Variants in SLC22A16 observed in about 807,000 individuals in gnomAD.
The protein encoded by SLC22A16 is solute carrier family 22 member 16, also known as WUGSC:RG331P03.1.
SLC22A16 carries 53 observed loss-of-function variants against 52.9 expected under a neutral mutation model. That is an observed-to-expected ratio of 1.00 (90% confidence interval 0.80 to 1.26). The LOEUF is 1.26. Ranked by LOEUF, SLC22A16 falls within the 50% of genes most tolerant of loss-of-function variation. The pLI, the probability that SLC22A16 is intolerant of heterozygous loss-of-function variation, is 0.00. For missense variants in SLC22A16, 726 were observed against 704.0 expected, an observed-to-expected ratio of 1.03 and a Z score of -0.35; for synonymous variants, 291 against 268.8, an observed-to-expected ratio of 1.08 and a Z score of -0.81.
At chr6:110,473,161 T>C (rs1311087276) in intron 1 of SLC22A16, among the ~76,000 whole-genome samples, 2 of 152,134 alleles carry the variant, frequency 1.3e-5, no homozygotes, top group East Asian at 3.9e-4. Flanking sequence ...AAATGATAGA[T>C]GTTATGATGT....
At chr6:110,456,148 T>C (rs1338665841) in intron 2 of SLC22A16, 1 of 177,538 alleles carries the variant, frequency 5.6e-6, no homozygotes, top group African/African-American at 2.4e-5. Flanking sequence ...GAGAAGAAAA[T>C]ATTCAAAGTA....
intron 1 of SLC22A16, among the ~76,000 whole-genome samples, chr6:110,473,626 G>A (rs535542785): frequency 1.4e-5 from 2 of 143,318 alleles, no homozygotes; most frequent in East Asian, 2.2e-4. Flanking sequence ...CTGGGTTCAC[G>A]CCATTCTCCT....
At chr6:110,455,587 A>G (rs1354715120) in intron 2 of SLC22A16, 1 of 152,218 alleles carries the variant, frequency 6.6e-6, no homozygotes, top group East Asian at 1.9e-4. Context: ...GGTATGGTCC[A>G]TGTTCATACA....
At chr6:110,474,303 G>T (rs886752939) in intron 1 of SLC22A16, among the ~76,000 whole-genome samples, 1 of 152,078 alleles carries the variant, frequency 6.6e-6, no homozygotes, top group South Asian at 2.1e-4. Context: ...GTGCTAAAAA[G>T]GTTGGGGACC....
intron 2 of SLC22A16, among the ~76,000 whole-genome samples, chr6:110,447,765 G>A (rs78035315): frequency 0.013 from 2,038 of 152,272 alleles, 36 homozygotes; most frequent in African/African-American, 0.047. Flanking sequence ...ACAATATGTG[G>A]CCTTTTGTGT....
chr6:110,453,705 A>G (rs934010722), intron 2 of SLC22A16: 2 of 456,224 alleles, frequency 4.4e-6, no homozygotes, highest in Non-Finnish European at 4.4e-6. Flanking sequence ...TCTTTGTGGC[A>G]GAGAGGGGAC....
chr6:110,425,511 G>T, intron 7 of SLC22A16: 2 of 735,408 alleles, frequency 2.7e-6, no homozygotes, highest in Non-Finnish European at 4.0e-6. Flanking sequence ...CCCTGTCCCT[G>T]CCCCAATAAT....
intron 3 of SLC22A16, among the ~76,000 whole-genome samples, chr6:110,446,002 C>T (rs1028079270): frequency 3.9e-5 from 6 of 152,146 alleles, no homozygotes; most frequent in Non-Finnish European, 8.8e-5. Context: ...GAAACCCTTT[C>T]TATCCATCAA....
chr6:110,452,042 G>A (rs918226842), intron 2 of SLC22A16, among the ~76,000 whole-genome samples: 1 of 152,150 alleles, frequency 6.6e-6, no homozygotes, highest in African/African-American at 2.4e-5. Context: ...AATATAAAAT[G>A]CCTATGTGTC....
At chr6:110,457,431 AC>A (rs1424834423) in intron 1 of SLC22A16, among the ~76,000 whole-genome samples, 1 of 152,234 alleles carries the variant, frequency 6.6e-6, no homozygotes, top group Non-Finnish European at 1.5e-5. Flanking sequence ...CCAAGTAGCA[AC>A]CTGAAAAAGT....
intron 2 of SLC22A16, among the ~76,000 whole-genome samples, chr6:110,454,773 AAT>A (rs1261348032): frequency 3.6e-5 from 2 of 56,250 alleles, no homozygotes; most frequent in Non-Finnish European, 5.7e-5. Flanking sequence ...TATATATATA[AAT>A]ATATATAAAT....
chr6:110,472,524 G>A (rs533029603), intron 1 of SLC22A16, among the ~76,000 whole-genome samples: 85 of 152,060 alleles, frequency 5.6e-4, no homozygotes, highest in African/African-American at 2.0e-3. Context: ...ACCACTAAGT[G>A]GCCCCCAATC....
intron 2 of SLC22A16, chr6:110,456,015 G>GT (rs1379409043): frequency 6.6e-6 from 1 of 152,530 alleles, no homozygotes; most frequent in African/African-American, 2.4e-5. Flanking sequence ...GAATTACCCA[G>GT]TCTGTGGTAT....
At position 110,431,289 on chromosome 6, in the gene SLC22A16, G is replaced by A; in HGVS notation, c.1422-19C>T. ...CAGCGATCTGGAAACAGAGGAGAGA[G>A]GCTGAGACAAGTAAGGCACAAGTGA... On this transcript the variant is annotated intron_variant, in intron 6 of 7. Transcript: ENST00000368919. 1 of 1,607,036 alleles carries A rather than the reference G, an allele frequency of 6.2e-7. No individual in the cohort carries two copies. Among genetic ancestry groups the A allele is most frequent in the Non-Finnish European group, 8.5e-7 (1 of 1,177,530 alleles).
intron 1 of SLC22A16, among the ~76,000 whole-genome samples, chr6:110,467,707 C>T (rs1202812668): frequency 6.6e-6 from 1 of 152,204 alleles, no homozygotes. Flanking sequence ...TATGTGTGCA[C>T]AGATGTGCAT....
chr6:110,428,778 G>C (rs1015522784), intron 7 of SLC22A16, among the ~76,000 whole-genome samples: 1 of 152,142 alleles, frequency 6.6e-6, no homozygotes, highest in Non-Finnish European at 1.5e-5. Flanking sequence ...AAATTAGCCA[G>C]CCTTGGTGGC....
intron 1 of SLC22A16, among the ~76,000 whole-genome samples, chr6:110,466,707 A>G (rs1776074968): frequency 1.3e-5 from 2 of 152,186 alleles, no homozygotes; most frequent in Admixed American, 1.3e-4. Context: ...CCTATGGAAA[A>G]CATTATCAAG....
intron 1 of SLC22A16, among the ~76,000 whole-genome samples, chr6:110,475,203 G>T (rs944290475): frequency 6.6e-6 from 1 of 152,178 alleles, no homozygotes; most frequent in Non-Finnish European, 1.5e-5. Context: ...TGGCCCAGCT[G>T]AGGAGCCGTC....
At chr6:110,431,317 C>T in intron 6 of SLC22A16, 47 bp from the exon 7 acceptor site, 4 of 1,548,014 alleles carry the variant, frequency 2.6e-6, no homozygotes, top group Non-Finnish European at 3.5e-6. Flanking sequence ...ACAAGTGACC[C>T]AGGGATTGAG....
Sources: allele counts gnomAD v4.1 joint callset (sites outside exome capture counted in the v4.1 genomes callset), GRCh38; gene constraint gnomAD v4.1.1; transcripts MANE v1.5; gene names NCBI Gene and HGNC (gene_info 2026-07-23, HGNC 2026-07-21).